Variants in SMG6 observed in about 807,000 individuals in gnomAD.
SMG6 encodes the protein telomerase-binding protein EST1A.
Under a neutral mutation model 142.2 loss-of-function variants are expected in SMG6, and 66 were observed. The observed-to-expected ratio is 0.46, with a 90% CI of 0.38 to 0.57. The LOEUF is 0.57. SMG6 is among the 20% of genes least tolerant of loss of function. The pLI, the probability that SMG6 is intolerant of heterozygous loss-of-function variation, is 0.00. For missense variants in SMG6, 1,793 were observed against 1,832.0 expected (o/e 0.98, Z 0.39); for synonymous variants, 779 against 702.4 (o/e 1.11, Z -1.72).
chr17:2,089,565 C>T (rs2068656608), intron 13 of SMG6: 1 of 152,568 alleles, frequency 6.6e-6, no homozygotes, highest in African/African-American at 2.4e-5. Flanking sequence ...GCCCCTTTCC[C>T]TTCCCCTGAA....
chr17:2,194,586 G>A (rs1480812034), intron 10 of SMG6, among the ~76,000 whole-genome samples: 1 of 152,032 alleles, frequency 6.6e-6, no homozygotes, highest in Non-Finnish European at 1.5e-5. Context: ...GGTGGCTTAC[G>A]CCTGTAATCC....
intron 10 of SMG6, among the ~76,000 whole-genome samples, chr17:2,192,544 A>G (rs1269371689): frequency 6.6e-6 from 1 of 152,202 alleles, no homozygotes; most frequent in Non-Finnish European, 1.5e-5. Flanking sequence ...AACGCAGGCA[A>G]GACCACTTAT....
intron 13 of SMG6, among the ~76,000 whole-genome samples, chr17:2,128,550 T>C (rs2151539017): frequency 6.6e-6 from 1 of 152,232 alleles, no homozygotes; most frequent in Non-Finnish European, 1.5e-5. Flanking sequence ...GCCACTATCC[T>C]GCCAATTTGT....
At chr17:2,187,032 C>T (rs2072010828) in intron 11 of SMG6, among the ~76,000 whole-genome samples, 1 of 152,170 alleles carries the variant, frequency 6.6e-6, no homozygotes. Flanking sequence ...CTGGGTCTGC[C>T]CCTGGACACA....
At chr17:2,166,792 A>C (rs1436142166) in intron 13 of SMG6, among the ~76,000 whole-genome samples, 1 of 152,154 alleles carries the variant, frequency 6.6e-6, no homozygotes, top group Non-Finnish European at 1.5e-5. Context: ...AGACTCTGTG[A>C]AGTATGCTAA....
chr17:2,293,744 G>A (rs2151400248), intron 4 of SMG6, among the ~76,000 whole-genome samples: 1 of 152,346 alleles, frequency 6.6e-6, no homozygotes, highest in Non-Finnish European at 1.5e-5. Flanking sequence ...AAAGTGCTGG[G>A]ATTACAGGCG....
rs188164096 is a variant in SMG6, at chr17:2,230,113, G to C, written c.2869+6379C>G. On this transcript the variant is annotated intron_variant, in intron 10 of 18. Coordinates refer to ENST00000263073, the MANE Select transcript of SMG6 (RefSeq NM_017575.5). Reference sequence around the variant, plus strand: ...AGGCATGGGAATCGCTTGAACCCAGGAGGCAGAGGTTGCAGTGAGCTGAGA... The same window carrying C: ...AGGCATGGGAATCGCTTGAACCCAGCAGGCAGAGGTTGCAGTGAGCTGAGA... 3.4e-4 allele frequency among the ~76,000 whole-genome samples: 47 copies of C among 137,906 alleles called. 1 individual carries two copies. The highest frequency in any genetic ancestry group is 3.2e-3 in the Admixed American group (41 of 12,744). 90.5% of individuals were successfully genotyped at this position (137,906 alleles called of 152,430 possible).
At chr17:2,263,391 AACCAATGTTACCTAGTT>A (rs2074357379) in intron 8 of SMG6, among the ~76,000 whole-genome samples, 1 of 152,214 alleles carries the variant, frequency 6.6e-6, no homozygotes, top group Non-Finnish European at 1.5e-5. Context: ...TACTACTAGT[AACCAATGTTACCTAGTT>A]ACATAGCTCT....
chr17:2,219,791 A>G (rs1485850738), intron 10 of SMG6, among the ~76,000 whole-genome samples: 1 of 140,824 alleles, frequency 7.1e-6, no homozygotes, highest in Non-Finnish European at 1.5e-5. Flanking sequence ...GACACAGAAC[A>G]AGACCCTTTA....
At position 2,237,461 on chromosome 17, in the gene SMG6, C is replaced by T. The variant is rs919825346; in HGVS notation, c.2724-824G>A. On this transcript the variant is annotated intron_variant, in intron 9 of 18. Coordinates refer to ENST00000263073, the MANE Select transcript of SMG6 (RefSeq NM_017575.5). ...CTATCACACTGACTGTTCCGCCTAA[C>T]GATCCCAAATTTCCCCTTGAAGAAT... is the stretch of plus-strand genomic sequence containing the variant. The T allele has an allele frequency of 2.5e-5, 24 of 966,118 alleles. No individual in the cohort carries two copies. The African/African-American group carries it at 3.0e-4, about 12-fold the overall frequency. The allele number at this position is 966,118 out of a possible 1,614,324, so 59.8% of individuals were successfully genotyped here.
intron 12 of SMG6, among the ~76,000 whole-genome samples, chr17:2,180,360 AT>A (rs1382183094): frequency 3.3e-5 from 5 of 152,186 alleles, no homozygotes; most frequent in Non-Finnish European, 7.3e-5. Context: ...CTCTATACCA[AT>A]AATCTCCTGG....
chr17:2,238,612 T>C (rs994349493), intron 9 of SMG6, among the ~76,000 whole-genome samples: 1 of 152,196 alleles, frequency 6.6e-6, no homozygotes, highest in Non-Finnish European at 1.5e-5. Flanking sequence ...TTCAGAGCCA[T>C]GTGTCTCCGT....
intron 10 of SMG6, among the ~76,000 whole-genome samples, chr17:2,206,661 G>A (rs529923293): frequency 5.9e-5 from 9 of 152,116 alleles, no homozygotes; most frequent in African/African-American, 2.2e-4. Flanking sequence ...CAGGCGGATT[G>A]CCTGAGGTCA....
intron 10 of SMG6, among the ~76,000 whole-genome samples, chr17:2,221,443 T>C (rs2073167123): frequency 6.6e-6 from 1 of 152,222 alleles, no homozygotes; most frequent in South Asian, 2.1e-4. Flanking sequence ...TCCCTAGCCA[T>C]GTTTCCTGTA....
In SMG6 at chr17:2,282,743, G is replaced by A. The variant is rs781684655; in HGVS notation, c.2565C>T (p.Ile855=). The part of the protein sequence containing the change: ...HVGDDTTRLE[I]WIHPSHPRSS... The stretch of plus-strand genomic sequence containing the variant: ...ACCGTGGATGGGATGGATGAATCCA[G>A]ATCTCCAGGCGAGTGGTGTCATCTC... Residue 855 remains isoleucine (I), a synonymous_variant, in exon 8 of 19, where the codon ATC becomes ATT. Transcript: ENST00000263073. The A allele has an allele frequency of 1.2e-6, 2 of 1,614,210 alleles. No individual in the cohort carries two copies. The highest frequency in any genetic ancestry group is 1.7e-6 in the Non-Finnish European group (2 of 1,180,038).
intron 9 of SMG6, among the ~76,000 whole-genome samples, chr17:2,244,303 A>G (rs932199897): frequency 6.6e-6 from 1 of 152,206 alleles, no homozygotes; most frequent in Non-Finnish European, 1.5e-5. Context: ...ACCCCCTGAC[A>G]GCTGCACCCA....
At chr17:2,139,828 C>T (rs769148903) in intron 13 of SMG6, among the ~76,000 whole-genome samples, 4 of 151,788 alleles carry the variant, frequency 2.6e-5, no homozygotes, top group African/African-American at 4.8e-5. Context: ...TGAGTTTGAG[C>T]GATTCTCCTG....
chr17:2,128,238 C>T (rs571136516), intron 13 of SMG6, among the ~76,000 whole-genome samples: 27 of 152,184 alleles, frequency 1.8e-4, no homozygotes, highest in Non-Finnish European at 3.8e-4. Context: ...CCCAGGCTGC[C>T]GGCACGGAGC....
intron 15 of SMG6, among the ~76,000 whole-genome samples, chr17:2,080,827 G>T (rs12602492): frequency 6.6e-6 from 1 of 151,846 alleles, no homozygotes; most frequent in African/African-American, 2.4e-5. Context: ...AGTAGAGACA[G>T]GGTTTCACCA....
Sources: allele counts gnomAD v4.1 joint callset (sites outside exome capture counted in the v4.1 genomes callset), GRCh38; gene constraint gnomAD v4.1.1; transcripts MANE v1.5; gene names NCBI Gene and HGNC (gene_info 2026-07-23, HGNC 2026-07-21).